Variants in THSD7A observed in about 807,000 individuals in gnomAD.
THSD7A encodes the protein thrombospondin type-1 domain-containing protein 7A.
THSD7A carries 96 observed loss-of-function variants against 231.3 expected under a neutral mutation model. The observed-to-expected ratio is 0.41, with a 90% CI of 0.35 to 0.49. THSD7A has a LOEUF of 0.49. THSD7A is among the 20% of genes least tolerant of loss of function. THSD7A has a pLI of 0.05. For missense variants in THSD7A, 2,290 were observed against 2,070.2 expected, an observed-to-expected ratio of 1.11 and a Z score of -2.06; for synonymous variants, 940 against 743.3, an observed-to-expected ratio of 1.26 and a Z score of -4.30.
chr7:11,733,676 A>G (rs1781812374), intron 1 of THSD7A, among the ~76,000 whole-genome samples: 1 of 151,836 alleles, frequency 6.6e-6, no homozygotes, highest in Non-Finnish European at 1.5e-5. Flanking sequence ...CAGTGCTGAG[A>G]GCTCCACAAT....
chr7:11,476,018 T>G (rs1786160418), intron 7 of THSD7A, among the ~76,000 whole-genome samples: 1 of 151,364 alleles, frequency 6.6e-6, no homozygotes, highest in Non-Finnish European at 1.5e-5. Context: ...TGGGAACCAT[T>G]TAAAAAATAA....
chr7:11,645,264 G>T (rs958552442), intron 1 of THSD7A, among the ~76,000 whole-genome samples: 10 of 151,378 alleles, frequency 6.6e-5, no homozygotes, highest in African/African-American at 2.4e-4. Flanking sequence ...CATTCTCATG[G>T]ATGTTTTTTC....
intron 17 of THSD7A, among the ~76,000 whole-genome samples, chr7:11,413,303 A>T (rs951579106): frequency 3.9e-5 from 6 of 151,986 alleles, no homozygotes; most frequent in African/African-American, 1.5e-4. Context: ...GAGAAAAAAA[A>T]ATAAAGTTCT....
At chr7:11,649,042 G>A (rs1782394573) in intron 1 of THSD7A, among the ~76,000 whole-genome samples, 1 of 151,974 alleles carries the variant, frequency 6.6e-6, no homozygotes, top group Non-Finnish European at 1.5e-5. Flanking sequence ...GAGATGACCT[G>A]TGTAACCACT....
chr7:11,396,973 C>T (rs1439434902), intron 23 of THSD7A, among the ~76,000 whole-genome samples: 1 of 152,112 alleles, frequency 6.6e-6, no homozygotes, highest in Non-Finnish European at 1.5e-5. Context: ...AAGGCGGGTT[C>T]AACATATGTG....
At chr7:11,571,267 A>T (rs1790616792) in intron 4 of THSD7A, among the ~76,000 whole-genome samples, 1 of 152,186 alleles carries the variant, frequency 6.6e-6, no homozygotes, top group Admixed American at 6.5e-5. Flanking sequence ...CAGATCCTTG[A>T]TTTATTTTCT....
chr7:11,490,898 G>A (rs1786864146), intron 6 of THSD7A, among the ~76,000 whole-genome samples: 1 of 152,002 alleles, frequency 6.6e-6, no homozygotes, highest in Non-Finnish European at 1.5e-5. Flanking sequence ...TATTAACTGA[G>A]AAAAATTTTT....
Position 11,375,678 on chromosome 7 carries a change from A to AT in THSD7A, c.*115dup. ...TTTTCACTCTTGTCTTTATGATGCC[A>AT]TTTTTAAAAATTAAAATATATTTTA... On this transcript the variant is annotated 3_prime_UTR_variant, in exon 28 of 28. Coordinates refer to ENST00000423059, the MANE Select transcript of THSD7A (RefSeq NM_015204.3). 1 of 846,088 alleles carries AT rather than the reference A, an allele frequency of 1.2e-6. No individual in the cohort carries two copies. The highest frequency in any genetic ancestry group is 2.7e-5 in the Admixed American group (1 of 37,188). The allele number at this position is 846,088 out of a possible 1,614,324, so 52.4% of individuals were successfully genotyped here. A position where few individuals can be genotyped will look rare whatever the true frequency, so the allele number is the denominator to read the frequency against.
At chr7:11,762,060 T>C (rs1478601878) in intron 1 of THSD7A, among the ~76,000 whole-genome samples, 2 of 152,182 alleles carry the variant, frequency 1.3e-5, no homozygotes, top group African/African-American at 2.4e-5. Flanking sequence ...GTTTCAATCA[T>C]GTTGCTGCAA....
At chr7:11,496,407 T>A (rs1259531729) in intron 6 of THSD7A, among the ~76,000 whole-genome samples, 1 of 152,150 alleles carries the variant, frequency 6.6e-6, no homozygotes, top group Non-Finnish European at 1.5e-5. Flanking sequence ...TGATCCAGTT[T>A]AAGGATTAGG....
chr7:11,435,420 G>A (rs570671286), intron 13 of THSD7A, among the ~76,000 whole-genome samples: 83 of 152,184 alleles, frequency 5.5e-4, no homozygotes, highest in Middle Eastern at 6.8e-3. Context: ...CCAATCATCT[G>A]ATTAGAGAGT....
At chr7:11,693,025 G>T (rs936795545) in intron 1 of THSD7A, among the ~76,000 whole-genome samples, 8 of 151,352 alleles carry the variant, frequency 5.3e-5, no homozygotes, top group African/African-American at 1.9e-4. Context: ...AGAATACACT[G>T]TTGAAATAAC....
intron 1 of THSD7A, among the ~76,000 whole-genome samples, chr7:11,822,838 T>A (rs1221565625): frequency 6.6e-6 from 1 of 152,022 alleles, no homozygotes; most frequent in African/African-American, 2.4e-5. Flanking sequence ...ATATCTAGTA[T>A]ACTCTAGATA....
At position 11,636,664 on chromosome 7, in the gene THSD7A, T is replaced by G. The variant is rs747325078; in HGVS notation, c.488A>C (p.Lys163Thr). The change falls in exon 2 of 28, where the codon AAA becomes ACA. Residue 163 changes from lysine to threonine, a missense_variant. By Grantham distance (78) the Lys-to-Thr change is moderately conservative. Coordinates refer to ENST00000423059, the MANE Select transcript of THSD7A (RefSeq NM_015204.3). This position sits in a 1 kb window ranked among gnomAD's most constrained non-coding sequence, Gnocchi z 10.0. The stretch of plus-strand genomic sequence containing the variant: ...ATCCTCCGCAGGAATGTCTTTGTCT[T>G]TCTGGATGCACGCTATCTCCCTCAC... The part of the protein sequence containing the change: ...IQVREIACIQ[K>T]DKDIPAEDII... 1 of 1,613,984 alleles carries G rather than the reference T, an allele frequency of 6.2e-7. No individual in the cohort carries two copies. The highest frequency in any genetic ancestry group is 1.7e-5 in the Admixed American group (1 of 60,018).
chr7:11,594,736 T>C (rs1339154149), intron 2 of THSD7A, among the ~76,000 whole-genome samples: 2 of 152,318 alleles, frequency 1.3e-5, no homozygotes, highest in South Asian at 4.1e-4. Flanking sequence ...TCAAATCTGC[T>C]AGATAAATTG....
chr7:11,801,953 A>G (rs1303805335), intron 1 of THSD7A, among the ~76,000 whole-genome samples: 4 of 152,202 alleles, frequency 2.6e-5, no homozygotes, highest in African/African-American at 7.2e-5. Flanking sequence ...ATTTTTTACA[A>G]TGTGAATATA....
intron 4 of THSD7A, among the ~76,000 whole-genome samples, chr7:11,588,813 A>G (rs759135755): frequency 6.6e-6 from 1 of 152,232 alleles, no homozygotes; most frequent in Non-Finnish European, 1.5e-5. Flanking sequence ...AAATGCAGCC[A>G]TTAAAGTGGC....
At chr7:11,654,646 A>C (rs10248561) in intron 1 of THSD7A, among the ~76,000 whole-genome samples, 4,707 of 152,050 alleles carry the variant, frequency 0.031, 238 homozygotes, top group African/African-American at 0.11. Context: ...GACAAATTCC[A>C]CAAGTATTAA....
chr7:11,699,703 A>G (rs1780519253), intron 1 of THSD7A, among the ~76,000 whole-genome samples: 1 of 151,344 alleles, frequency 6.6e-6, no homozygotes, highest in African/African-American at 2.4e-5. Context: ...CAATTATAGA[A>G]CATGCCAATT....
Sources: gnomAD v4.1 joint callset for allele counts (sites outside exome capture counted in the v4.1 genomes callset) on GRCh38, gnomAD v4.1.1 for gene constraint, Gnocchi (gnomAD v3.1) non-coding constraint, MANE v1.5 for transcripts, NCBI Gene and HGNC (gene_info 2026-07-23, HGNC 2026-07-21) for gene names.